Variants in TMEM132D observed in about 807,000 individuals in gnomAD.
TMEM132D encodes mature OL transmembrane protein.
A neutral mutation model predicts 62.3 loss-of-function variants in TMEM132D; 21 were observed. The observed-to-expected ratio is 0.34, with a 90% CI of 0.24 to 0.49. The LOEUF (loss-of-function observed/expected upper bound fraction) is 0.49. TMEM132D is among the 20% of genes least tolerant of loss of function. TMEM132D has a pLI of 0.99. For synonymous variants in TMEM132D, 621 were observed against 575.6 expected (o/e 1.08, Z -1.13); for missense variants, 1,346 against 1,402.8 (o/e 0.96, Z 0.65).
At chr12:129,420,299 G>A (rs895339317) in intron 3 of TMEM132D, among the ~76,000 whole-genome samples, 5 of 98,074 alleles carry the variant, frequency 5.1e-5, no homozygotes, top group Admixed American at 1.3e-4. Context: ...ATTATTGCAC[G>A]TTCTCTGTTT....
chr12:129,603,258 T>C (rs993928826), intron 2 of TMEM132D, among the ~76,000 whole-genome samples: 4 of 152,198 alleles, frequency 2.6e-5, no homozygotes, highest in Non-Finnish European at 5.9e-5. Context: ...TACCATATCA[T>C]ACAGAGTAGA....
At chr12:129,868,189 C>T (rs945847769) in intron 1 of TMEM132D, among the ~76,000 whole-genome samples, 5 of 151,300 alleles carry the variant, frequency 3.3e-5, no homozygotes, top group Admixed American at 2.6e-4. Flanking sequence ...CACGAGACAG[C>T]ATTTGTATGG....
chr12:129,174,236 AC>A (rs1262649748), intron 5 of TMEM132D, among the ~76,000 whole-genome samples: 2 of 151,330 alleles, frequency 1.3e-5, no homozygotes, highest in Non-Finnish European at 2.9e-5. Flanking sequence ...CTTGCCCCCC[AC>A]CCCTCAACAG....
intron 5 of TMEM132D, chr12:129,110,295 A>T (rs953244611): frequency 1.3e-5 from 2 of 152,134 alleles, no homozygotes; most frequent in Admixed American, 6.5e-5. Context: ...GTGATGTGAG[A>T]GTTAGGGGCG....
chr12:129,772,493 C>T (rs1035893585), intron 1 of TMEM132D, among the ~76,000 whole-genome samples: 1 of 152,042 alleles, frequency 6.6e-6, no homozygotes, highest in Non-Finnish European at 1.5e-5. Context: ...AAATCCAGCC[C>T]ACGACTCCTG....
At chr12:129,487,194 G>T (rs1464583568) in intron 3 of TMEM132D, among the ~76,000 whole-genome samples, 1 of 152,120 alleles carries the variant, frequency 6.6e-6, no homozygotes, top group Non-Finnish European at 1.5e-5. Flanking sequence ...GCCCCAGCGT[G>T]CATGGGAGAG....
Position 129,286,790 on chromosome 12 carries a change from G to A in TMEM132D, c.1299+50844C>T, listed in dbSNP as rs554622106. On this transcript the variant is annotated intron_variant, in intron 4 of 8. Transcript: ENST00000422113. ...GAGCCAAGCATGGTGGCTTATGCCT[G>A]TAATCCCAGCATGTCGGGAGGCCAA... is the stretch of plus-strand genomic sequence containing the variant. Among the ~76,000 whole-genome samples the A allele has an allele frequency of 3.9e-5, 6 of 152,292 alleles. No individual in the cohort carries two copies. In the South Asian group the frequency reaches 8.3e-4, roughly 21 times the overall value.
chr12:129,452,376 A>C (rs1486345791), intron 3 of TMEM132D, among the ~76,000 whole-genome samples: 2 of 152,204 alleles, frequency 1.3e-5, no homozygotes, highest in African/African-American at 2.4e-5. Context: ...ATCTCTGAAA[A>C]AGTAGCTGCT....
intron 2 of TMEM132D, among the ~76,000 whole-genome samples, chr12:129,618,510 T>C (rs1189750831): frequency 6.6e-6 from 1 of 152,228 alleles, no homozygotes; most frequent in East Asian, 1.9e-4. Context: ...TGAGTTACTA[T>C]ATTTGGCTTT....
At chr12:129,397,711 G>T (rs1286851874) in intron 3 of TMEM132D, among the ~76,000 whole-genome samples, 1 of 152,160 alleles carries the variant, frequency 6.6e-6, no homozygotes, top group Non-Finnish European at 1.5e-5. Flanking sequence ...TAATTTTACT[G>T]TCCTTTATCT....
intron 5 of TMEM132D, among the ~76,000 whole-genome samples, chr12:129,161,716 GC>G (rs1268564080): frequency 1.3e-5 from 2 of 152,144 alleles, no homozygotes; most frequent in Non-Finnish European, 2.9e-5. Context: ...GTAGCCACAG[GC>G]CCCCTGGAGG....
At chr12:129,091,637 C>T (rs1208176478) in intron 5 of TMEM132D, among the ~76,000 whole-genome samples, 1 of 151,804 alleles carries the variant, frequency 6.6e-6, no homozygotes, top group Admixed American at 6.6e-5. Flanking sequence ...GGGGTCCTTA[C>T]CTACCCTCAC....
rs551826456 is a variant in TMEM132D at position 129,398,333 on chromosome 12, G to A, written c.1116-60516C>T. Among the ~76,000 whole-genome samples the A allele has an allele frequency of 3.8e-3, 585 of 152,306 alleles. 3 individuals carry two copies. Among genetic ancestry groups the A allele is most frequent in the African/African-American group, 0.013 (555 of 41,550 alleles). On this transcript the variant is annotated intron_variant, in intron 3 of 8. Transcript: ENST00000422113. ...GAAGCTTGTCACTTCATGGTTGCAA[G>A]ATGGCTGCCTAAGCGCCAGACATCA...
intron 3 of TMEM132D, among the ~76,000 whole-genome samples, chr12:129,484,103 G>A (rs2137055318): frequency 6.6e-6 from 1 of 152,150 alleles, no homozygotes; most frequent in Non-Finnish European, 1.5e-5. Flanking sequence ...CTGAGTAGCT[G>A]GGATTACAGG....
intron 3 of TMEM132D, among the ~76,000 whole-genome samples, chr12:129,445,260 T>C (rs757512221): frequency 1.1e-4 from 17 of 152,172 alleles, no homozygotes; most frequent in Non-Finnish European, 1.8e-4. Flanking sequence ...AGCTAAATGA[T>C]GAGAACACAT....
At chr12:129,689,256 C>T (rs541969763) in intron 2 of TMEM132D, among the ~76,000 whole-genome samples, 2 of 152,330 alleles carry the variant, frequency 1.3e-5, no homozygotes, top group Non-Finnish European at 2.9e-5. Context: ...CACAATTCCA[C>T]TATTTTTACT....
At chr12:129,536,588 G>T (rs1052240041) in intron 2 of TMEM132D, among the ~76,000 whole-genome samples, 1 of 152,166 alleles carries the variant, frequency 6.6e-6, no homozygotes, top group Admixed American at 6.5e-5. Context: ...CGATCTGGAC[G>T]TCTTGGCCCT....
intron 4 of TMEM132D, among the ~76,000 whole-genome samples, chr12:129,218,270 G>A (rs190274513): frequency 1.3e-5 from 2 of 152,286 alleles, no homozygotes; most frequent in Admixed American, 1.3e-4. Flanking sequence ...TTTGGTTACA[G>A]TGAACAGTTA....
chr12:129,667,122 G>C (rs1335004910), intron 2 of TMEM132D, among the ~76,000 whole-genome samples: 2 of 152,172 alleles, frequency 1.3e-5, no homozygotes, highest in African/African-American at 4.8e-5. Flanking sequence ...CTGGGCCCAT[G>C]TCCGAATAAC....
Sources: gnomAD v4.1 joint callset for allele counts (sites outside exome capture counted in the v4.1 genomes callset) on GRCh38, gnomAD v4.1.1 for gene constraint, MANE v1.5 for transcripts, NCBI Gene and HGNC (gene_info 2026-07-23, HGNC 2026-07-21) for gene names.